Variants in PCNP observed in about 807,000 individuals in gnomAD.
PCNP encodes the protein PEST proteolytic signal containing nuclear protein.
PCNP carries 6 observed loss-of-function variants against 21.8 expected under a neutral mutation model. The ratio of observed to expected loss-of-function variants is 0.28; its 90% CI spans 0.15 to 0.54. The LOEUF (loss-of-function observed/expected upper bound fraction) is 0.54. Ranked by LOEUF, PCNP falls within the 20% of genes least tolerant of loss-of-function variation. The pLI is 0.95. For synonymous variants in PCNP, 67 were observed against 73.2 expected (o/e 0.92, Z 0.43); for missense variants, 161 against 215.5 (o/e 0.75, Z 1.58).
chr3:101,574,412 C>G, intron 1 of PCNP, 133 bp downstream of exon 1: 1 of 1,154,940 alleles, frequency 8.7e-7, no homozygotes. Flanking sequence ...TGGGCCCAGA[C>G]CTGCCTCGGG....
Position 101,580,020 on chromosome 3 carries a change from A to G in PCNP, c.279+16A>G. On this transcript the variant is annotated intron_variant, in intron 2 of 4. Coordinates refer to ENST00000265260, the MANE Select transcript of PCNP (RefSeq NM_020357.3). ...TGGATCAAGTGTGAGTTGTTATTTC[A>G]TATATGATGTTTGTAATGGGTCTTA... The G allele has an allele frequency of 6.3e-7, 1 of 1,581,446 alleles. No homozygotes were observed. Among genetic ancestry groups the G allele is most frequent in the East Asian group, 2.2e-5 (1 of 44,694 alleles).
intron 2 of PCNP, among the ~76,000 whole-genome samples, chr3:101,581,763 G>A (rs951382098): frequency 3.3e-5 from 5 of 150,392 alleles, no homozygotes; most frequent in South Asian, 2.1e-4. Context: ...TTTTTGAGAC[G>A]GAGTTTAACT....
intron 1 of PCNP, chr3:101,577,096 A>G: frequency 4.6e-6 from 3 of 651,680 alleles, no homozygotes; most frequent in Non-Finnish European, 8.3e-6. Flanking sequence ...AAGTGCTGGG[A>G]TTACAGGCGT....
At chr3:101,582,953 A>G (rs960148532) in intron 2 of PCNP, among the ~76,000 whole-genome samples, 2 of 152,258 alleles carry the variant, frequency 1.3e-5, no homozygotes, top group East Asian at 1.9e-4. Context: ...GTATTCCATA[A>G]TGAGTCTCAA....
rs181043523 is a variant in PCNP, at chr3:101,593,726, A to C, written c.*973A>C. 1 of 152,628 alleles carries C rather than the reference A, an allele frequency of 6.6e-6. No individual in the cohort carries two copies. Among genetic ancestry groups the C allele is most frequent in the Non-Finnish European group, 1.5e-5 (1 of 68,024 alleles). The allele number at this position is 152,628 out of a possible 1,614,324, so 9.5% of individuals were successfully genotyped here. On this transcript the variant is annotated 3_prime_UTR_variant, in exon 5 of 5. Transcript: ENST00000265260. ...TTAAATTACTAACTTATGAACTCCA[A>C]TTTGAATTGAACTTAACTATCGGCT...
At chr3:101,591,029 G>A (rs543457760) in intron 4 of PCNP, among the ~76,000 whole-genome samples, 1 of 152,138 alleles carries the variant, frequency 6.6e-6, no homozygotes, top group Non-Finnish European at 1.5e-5. Flanking sequence ...TCCTGCCTCA[G>A]CCTCCCAAAG....
At chr3:101,588,328 A>G (rs1935640489) in intron 3 of PCNP, among the ~76,000 whole-genome samples, 1 of 152,164 alleles carries the variant, frequency 6.6e-6, no homozygotes, top group Non-Finnish European at 1.5e-5. Context: ...GTGCACACAC[A>G]TGTTGTCTTT....
At chr3:101,584,562 TA>T (rs1291923964) in intron 2 of PCNP, among the ~76,000 whole-genome samples, 1 of 152,176 alleles carries the variant, frequency 6.6e-6, no homozygotes, top group Non-Finnish European at 1.5e-5. Context: ...TTTTATTTTT[TA>T]TTTTTTTTAT....
intron 1 of PCNP, chr3:101,576,379 C>T (rs1934887076): frequency 2.5e-6 from 2 of 807,642 alleles, no homozygotes; most frequent in East Asian, 2.8e-5. Context: ...GGACTACAGG[C>T]GCGGGCCACC....
intron 2 of PCNP, among the ~76,000 whole-genome samples, chr3:101,583,963 T>A (rs889496954): frequency 6.6e-6 from 1 of 151,914 alleles, no homozygotes; most frequent in Non-Finnish European, 1.5e-5. Flanking sequence ...TGTGCCCGGC[T>A]AGGTGATGTA....
At chr3:101,576,155 G>T (rs1332886103) in intron 1 of PCNP, among the ~76,000 whole-genome samples, 5 of 151,482 alleles carry the variant, frequency 3.3e-5, no homozygotes, top group African/African-American at 1.2e-4. Context: ...TGTCTTAGGG[G>T]CTTAACTAGA....
intron 3 of PCNP, 22 bp downstream of exon 3, chr3:101,585,533 T>G (rs745321839): frequency 5.3e-6 from 8 of 1,501,022 alleles, no homozygotes; most frequent in Non-Finnish European, 7.4e-6. Context: ...TCGAGTTTTG[T>G]TTTTTTACTT....
chr3:101,586,456 C>T (rs1935511088), intron 3 of PCNP, among the ~76,000 whole-genome samples: 1 of 151,978 alleles, frequency 6.6e-6, no homozygotes, highest in South Asian at 2.1e-4. Context: ...AAACCTAACC[C>T]CCACTCATGA....
chr3:101,588,303 C>A (rs1307896950), intron 3 of PCNP, among the ~76,000 whole-genome samples: 1 of 152,136 alleles, frequency 6.6e-6, no homozygotes, highest in Non-Finnish European at 1.5e-5. Flanking sequence ...ATCAAGTATG[C>A]ATGAGCACAT....
intron 3 of PCNP, chr3:101,589,809 T>G (rs573039831): frequency 2.2e-4 from 44 of 197,670 alleles, no homozygotes. Flanking sequence ...CAAACTCTTT[T>G]GCTATTCATT....
chr3:101,590,755 C>T (rs1049105591), intron 4 of PCNP, among the ~76,000 whole-genome samples: 7 of 152,094 alleles, frequency 4.6e-5, no homozygotes, highest in Admixed American at 3.9e-4. Context: ...CGCTATGTTG[C>T]CCAGGCTGGT....
At chr3:101,589,192 A>C (rs1935679758) in intron 3 of PCNP, among the ~76,000 whole-genome samples, 1 of 152,116 alleles carries the variant, frequency 6.6e-6, no homozygotes, top group Admixed American at 6.6e-5. Flanking sequence ...TATTTATTCA[A>C]GTGTATACTC....
chr3:101,579,801 G>A lies in PCNP; in HGVS notation c.76G>A (p.Glu26Lys). 6.2e-7 allele frequency: 1 copy of A among 1,613,596 alleles called. No individual in the cohort carries two copies. Among genetic ancestry groups the A allele is most frequent in the Non-Finnish European group, 8.5e-7 (1 of 1,179,484 alleles). The change falls in exon 2 of 5, where the codon GAA becomes AAA. Residue 26 changes from glutamate to lysine, a missense_variant. By Grantham distance (56) the Glu-to-Lys change is moderately conservative. This residue lies in a region of PCNP where 6 missense variants were observed against 21.8 expected (regional missense o/e 0.28). Transcript: ENST00000265260. ...TTCGACTTCACCAGGACCTGAAGAAGAAGCAGAAAAACCTGTGAAAACTAA... is the reference window on the plus strand; with the variant it reads ...TTCGACTTCACCAGGACCTGAAGAAAAAGCAGAAAAACCTGTGAAAACTAA... Reference protein sequence around the residue: ...RAGAAGGPEEEAEKPVKTKTV... With the variant: ...RAGAAGGPEEKAEKPVKTKTV...
intron 1 of PCNP, among the ~76,000 whole-genome samples, chr3:101,578,595 C>T (rs1344090990): frequency 1.3e-5 from 2 of 152,188 alleles, no homozygotes; most frequent in Admixed American, 1.3e-4. Context: ...TAAAGAGTTT[C>T]TTTTATTTTT....
Sources: gnomAD v4.1 joint callset for allele counts (sites outside exome capture counted in the v4.1 genomes callset) on GRCh38, gnomAD v4.1.1 for gene constraint, gnomAD v4.1.1 regional missense constraint, MANE v1.5 for transcripts, NCBI Gene and HGNC (gene_info 2026-07-23, HGNC 2026-07-21) for gene names.